C13orf42: variants seen among roughly 807,000 people sequenced by gnomAD.
C13orf42 encodes chromosome 13 open reading frame 42.
At chr13:51,166,445 G>C (rs1369595007) in intron 1 of C13orf42, among the ~76,000 whole-genome samples, 3 of 112,866 alleles carry the variant, frequency 2.7e-5, no homozygotes, top group African/African-American at 9.8e-5. Context: ...GACTGTGGTG[G>C]GGTGGGGGGA....
At chr13:51,090,559 A>AT (rs1173620264) in intron 1 of C13orf42, among the ~76,000 whole-genome samples, 1 of 152,216 alleles carries the variant, frequency 6.6e-6, no homozygotes, top group Non-Finnish European at 1.5e-5. Context: ...GGCAACTGTC[A>AT]TCAGCGTTTA....
rs1566120507 is a variant in C13orf42, at chr13:51,082,844, A to T, written c.*1307T>A. 6.6e-6 allele frequency: 1 copy of T among 152,240 alleles called. No individual in the cohort carries two copies. The highest frequency in any genetic ancestry group is 1.5e-5 in the Non-Finnish European group (1 of 68,034). 9.4% of individuals were successfully genotyped at this position (152,240 alleles called of 1,614,324 possible). ...GTTGAGATAAAATTTCTAAGAATGC[A>T]ATATAATTACTAGCTGTTTTTTATT... On this transcript the variant is annotated 3_prime_UTR_variant, in exon 4 of 4. Coordinates refer to ENST00000563710, the MANE Select transcript of C13orf42 (RefSeq NM_001351589.3).
chr13:51,145,724 TATA>T (rs1953728995), intron 1 of C13orf42, among the ~76,000 whole-genome samples: 1 of 39,710 alleles, frequency 2.5e-5, no homozygotes, highest in Admixed American at 2.6e-4. Context: ...CTCAAAAGAA[TATA>T]ACCATTTATG....
chr13:51,164,751 G>A (rs1953891748), intron 1 of C13orf42, among the ~76,000 whole-genome samples: 1 of 152,224 alleles, frequency 6.6e-6, no homozygotes, highest in African/African-American at 2.4e-5. Context: ...AGTGGAGACA[G>A]TGAAGCAAAA....
At chr13:51,148,418 A>G (rs1953754791) in intron 1 of C13orf42, among the ~76,000 whole-genome samples, 1 of 152,230 alleles carries the variant, frequency 6.6e-6, no homozygotes, top group Non-Finnish European at 1.5e-5. Context: ...TGTGATAGGC[A>G]TCATGAAGGA....
chr13:51,133,568 T>A (rs1222041157), intron 1 of C13orf42, among the ~76,000 whole-genome samples: 2 of 152,078 alleles, frequency 1.3e-5, no homozygotes, highest in African/African-American at 4.8e-5. Context: ...AATATATATT[T>A]TTTAATTAAA....
At chr13:51,105,377 G>A (rs1953341708) in intron 1 of C13orf42, among the ~76,000 whole-genome samples, 1 of 152,218 alleles carries the variant, frequency 6.6e-6, no homozygotes. Flanking sequence ...ATCTAGAACA[G>A]CTCCTGACAC....
chr13:51,167,493 C>G (rs1220141213), intron 1 of C13orf42, among the ~76,000 whole-genome samples: 1 of 152,180 alleles, frequency 6.6e-6, no homozygotes, highest in Non-Finnish European at 1.5e-5. Context: ...CTCCCAAAAA[C>G]AGAGCCTAAG....
intron 1 of C13orf42, among the ~76,000 whole-genome samples, chr13:51,171,563 A>G (rs1050371216): frequency 6.6e-6 from 1 of 151,960 alleles, no homozygotes; most frequent in African/African-American, 2.4e-5. Context: ...GGCCAGGCCG[A>G]GCTAGGTCCC....
Position 51,110,964 on chromosome 13 carries a change from G to C in C13orf42, c.246C>G (p.Thr82=). Residue 82 remains threonine (T), a synonymous_variant, in exon 1 of 4, where the codon ACC becomes ACG. Transcript: ENST00000563710. ...CCTGCAGGTACTGCAGGCAGTCCTG[G>C]GTGCGCGAATACATCCACGCCCGGT... ...EEDRAWMYSR[T]QDCLQYLQEL... The C allele has an allele frequency of 2.5e-6, 1 of 398,666 alleles. No homozygotes were observed. Among genetic ancestry groups the C allele is most frequent in the South Asian group, 1.3e-4 (1 of 7,864 alleles). The allele number at this position is 398,666 out of a possible 1,614,324, so 24.7% of individuals were successfully genotyped here.
chr13:51,141,238 T>C (rs979929614), intron 1 of C13orf42, among the ~76,000 whole-genome samples: 1 of 151,470 alleles, frequency 6.6e-6, no homozygotes, highest in Non-Finnish European at 1.5e-5. Flanking sequence ...GGTTTTTTTT[T>C]GTTTTTTTTT....
chr13:51,116,233 AG>A (rs1953490365), upstream of C13orf42, among the ~76,000 whole-genome samples: 1 of 152,312 alleles, frequency 6.6e-6, no homozygotes, highest in Admixed American at 6.5e-5. Flanking sequence ...GCTGCCCATC[AG>A]GCAGAAGGGG....
At chr13:51,087,174 G>T (rs1388716397) in intron 2 of C13orf42, among the ~76,000 whole-genome samples, 1 of 152,214 alleles carries the variant, frequency 6.6e-6, no homozygotes, top group Non-Finnish European at 1.5e-5. Flanking sequence ...CTCAACTGAT[G>T]AATGTGTTTG....
intron 1 of C13orf42, among the ~76,000 whole-genome samples, chr13:51,163,640 T>C (rs1953883355): frequency 1.3e-5 from 2 of 152,154 alleles, no homozygotes; most frequent in African/African-American, 4.8e-5. Context: ...CTGTATGACC[T>C]GCATTCCAAG....
chr13:51,085,746 G>C (rs1011967284), intron 2 of C13orf42, among the ~76,000 whole-genome samples, 187 bp from the exon 3 acceptor site: 1 of 152,206 alleles, frequency 6.6e-6, no homozygotes, highest in African/African-American at 2.4e-5. Context: ...TGGAATATAT[G>C]TCCATTAAAA....
chr13:51,105,409 T>C (rs1005524892), intron 1 of C13orf42, among the ~76,000 whole-genome samples: 1 of 152,244 alleles, frequency 6.6e-6, no homozygotes, highest in Admixed American at 6.5e-5. Context: ...TCAATCGATA[T>C]GTGTTAAGGG....
intron 1 of C13orf42, among the ~76,000 whole-genome samples, chr13:51,169,730 C>T (rs1365315538): frequency 8.5e-5 from 13 of 152,204 alleles, no homozygotes; most frequent in African/African-American, 3.1e-4. Context: ...AGCCATAAGC[C>T]TTGGCAGCTT....
intron 1 of C13orf42, among the ~76,000 whole-genome samples, chr13:51,164,880 A>T (rs1028597767): frequency 1.3e-5 from 2 of 152,178 alleles, no homozygotes; most frequent in Admixed American, 1.3e-4. Context: ...TGCAGGTTTG[A>T]AGAGGGTCCA....
intron 1 of C13orf42, among the ~76,000 whole-genome samples, chr13:51,162,945 T>C (rs1190517246): frequency 6.6e-6 from 1 of 152,232 alleles, no homozygotes; most frequent in African/African-American, 2.4e-5. Context: ...CACTTGGCTT[T>C]GTGGCTCTCC....
Sources: allele counts gnomAD v4.1 joint callset (sites outside exome capture counted in the v4.1 genomes callset), GRCh38; gene constraint gnomAD v4.1.1; transcripts MANE v1.5; gene names NCBI Gene and HGNC (gene_info 2026-07-23, HGNC 2026-07-21).